The following CSMD2 variants were observed in gnomAD, a reference collection of about 807,000 sequenced individuals.
CSMD2 encodes the protein CUB and Sushi multiple domains 2.
Under a neutral mutation model 398.5 loss-of-function variants are expected in CSMD2, and 130 were observed. The observed-to-expected ratio is 0.33, with a 90% CI of 0.28 to 0.38. The LOEUF is 0.38. Ranked by LOEUF, CSMD2 falls within the 10% of genes least tolerant of loss-of-function variation. CSMD2 has a pLI of 1.00. For synonymous variants in CSMD2, 1,828 were observed against 1,908.5 expected (o/e 0.96, Z 1.10); for missense variants, 3,829 against 4,764.9 (o/e 0.80, Z 5.78).
chr1:34,157,491 A>G (rs888501489), intron 1 of CSMD2, among the ~76,000 whole-genome samples: 2 of 151,644 alleles, frequency 1.3e-5, no homozygotes, highest in African/African-American at 4.8e-5. Context: ...CCATTCTACC[A>G]CAATACATCT....
rs1642811800 is a variant in CSMD2 at position 33,636,496 on chromosome 1, C to T, written c.4833G>A (p.Gly1611=). ...CGGAGGAGCCCAGCTTCAGGTCGGACCCCACCCGTGTGCCGTTCTTGATGG... is the reference window on the plus strand; with the variant it reads ...CGGAGGAGCCCAGCTTCAGGTCGGATCCCACCCGTGTGCCGTTCTTGATGG... ...PGSIKNGTRV[G]SDLKLGSSVT... The change falls in exon 30 of 71, where the codon GGG becomes GGA. Residue 1611 remains glycine, a synonymous_variant. Transcript: ENST00000373381. The surrounding 1 kb of genome is among the most constrained non-coding windows in gnomAD (Gnocchi z 4.8). The T allele has an allele frequency of 1.9e-6, 3 of 1,614,156 alleles. No homozygotes were observed. The highest frequency in any genetic ancestry group is 1.6e-4 in the Middle Eastern group (1 of 6,062).
At chr1:33,792,639 G>A (rs1410766939) in intron 10 of CSMD2, 113 bp from the exon 11 acceptor site, 17 of 716,422 alleles carry the variant, frequency 2.4e-5, no homozygotes, top group Admixed American at 4.0e-5. Context: ...AGTCACTGGT[G>A]ACACCATCCT....
intron 1 of CSMD2, among the ~76,000 whole-genome samples, chr1:34,154,517 G>A (rs968772562): frequency 3.9e-5 from 6 of 152,140 alleles, no homozygotes; most frequent in Non-Finnish European, 7.4e-5. Flanking sequence ...GAACAGATAC[G>A]TAAAACGTGA....
intron 13 of CSMD2, among the ~76,000 whole-genome samples, chr1:33,757,994 T>C (rs1397410540): frequency 2.6e-5 from 4 of 152,246 alleles, no homozygotes; most frequent in East Asian, 1.9e-4. Flanking sequence ...ACAAATTCTT[T>C]TGCTGTTACA....
At chr1:34,047,389 CTT>C (rs898619342) in intron 2 of CSMD2, among the ~76,000 whole-genome samples, 5 of 152,156 alleles carry the variant, frequency 3.3e-5, no homozygotes, top group Admixed American at 2.6e-4. Context: ...TACACCGAGG[CTT>C]TGATAACTAT....
intron 9 of CSMD2, among the ~76,000 whole-genome samples, chr1:33,817,799 C>A (rs867015581): frequency 6.6e-6 from 1 of 152,176 alleles, no homozygotes; most frequent in Non-Finnish European, 1.5e-5. Flanking sequence ...AAGAAACTGG[C>A]CCAAGGGCCC....
At chr1:33,909,256 T>C (rs551817518) in intron 5 of CSMD2, among the ~76,000 whole-genome samples, 152 of 152,246 alleles carry the variant, frequency 1.0e-3, no homozygotes, top group Non-Finnish European at 1.5e-3. Context: ...GACATTGAGA[T>C]GATAAGCCTT....
At chr1:34,114,225 C>T (rs72884233) in intron 1 of CSMD2, among the ~76,000 whole-genome samples, 3,028 of 152,114 alleles carry the variant, frequency 0.02, 96 homozygotes, top group African/African-American at 0.069. Context: ...CAAGGAAAGC[C>T]CCCAGAACCT....
At chr1:33,567,230 A>T (rs1246610639) in intron 53 of CSMD2, among the ~76,000 whole-genome samples, 1 of 152,018 alleles carries the variant, frequency 6.6e-6, no homozygotes, top group African/African-American at 2.4e-5. Flanking sequence ...TCTATAGGAT[A>T]CAATTAAAGC....
intron 41 of CSMD2, among the ~76,000 whole-genome samples, chr1:33,608,659 G>T (rs972011958): frequency 6.6e-6 from 1 of 152,172 alleles, no homozygotes; most frequent in African/African-American, 2.4e-5. Flanking sequence ...CACATGAAGA[G>T]CACCATGTGA....
chr1:34,146,080 G>A (rs934477710), intron 1 of CSMD2, among the ~76,000 whole-genome samples: 5 of 152,106 alleles, frequency 3.3e-5, no homozygotes, highest in African/African-American at 1.2e-4. Flanking sequence ...TAGAGTCAGG[G>A]TCTCACTCTG....
rs774639276 is a variant in CSMD2, at chr1:33,700,665, A to G, written c.3585T>C (p.Asp1195=). Residue 1195 remains aspartate, a synonymous_variant, in exon 23 of 71, where the codon GAT becomes GAC. Transcript: ENST00000373381. ...LSEGDVLKVY[D]GNNNSARLLG... ...GCAAACGGGCGGAGTTGTTGTTGCC[A>G]TCATAAACCTGGACACAGGAGAGAC... 2.5e-6 allele frequency: 4 copies of G among 1,614,166 alleles called. No individual in the cohort carries two copies. Among genetic ancestry groups the G allele is most frequent in the Non-Finnish European group, 3.4e-6 (4 of 1,180,026 alleles).
chr1:33,558,036 G>T (rs758421707), intron 54 of CSMD2, 114 bp from the exon 55 acceptor site: 1 of 888,894 alleles, frequency 1.1e-6, no homozygotes, highest in Non-Finnish European at 1.7e-6. Flanking sequence ...TCCCAAGGTT[G>T]CTGGACTTCT....
intron 9 of CSMD2, among the ~76,000 whole-genome samples, chr1:33,818,745 A>C (rs1657760623): frequency 6.6e-6 from 1 of 152,056 alleles, no homozygotes. Context: ...TTATAGTGAC[A>C]CTCTTCTAGA....
intron 1 of CSMD2, among the ~76,000 whole-genome samples, chr1:34,116,705 C>T (rs941538068): frequency 6.6e-6 from 1 of 151,974 alleles, no homozygotes; most frequent in African/African-American, 2.4e-5. Flanking sequence ...TTCTCAAGTG[C>T]GTATGAAACA....
At chr1:34,135,790 T>G (rs1771389) in intron 1 of CSMD2, among the ~76,000 whole-genome samples, 109,114 of 151,936 alleles carry the variant, frequency 0.72, 40,454 homozygotes, top group Admixed American at 0.82. Context: ...GTATATGATA[T>G]ATCTACAATG....
intron 3 of CSMD2, among the ~76,000 whole-genome samples, chr1:34,024,066 C>A (rs904813157): frequency 3.9e-4 from 60 of 152,202 alleles, no homozygotes; most frequent in African/African-American, 1.4e-3. Flanking sequence ...GGTCTCACAG[C>A]CAGCCTGAGG....
intron 25 of CSMD2, among the ~76,000 whole-genome samples, chr1:33,672,351 C>A (rs986275965): frequency 5.3e-5 from 8 of 152,364 alleles, no homozygotes; most frequent in Non-Finnish European, 1.0e-4. Flanking sequence ...GGGTCCTACG[C>A]CCACGGAGCC....
At chr1:33,875,537 G>C (rs1188498833) in intron 5 of CSMD2, 1 of 152,276 alleles carries the variant, frequency 6.6e-6, no homozygotes, top group African/African-American at 2.4e-5. Flanking sequence ...TTGCTGACTG[G>C]TGGCAGTGAG....
Sources: gnomAD v4.1 joint callset for allele counts (sites outside exome capture counted in the v4.1 genomes callset) on GRCh38, gnomAD v4.1.1 for gene constraint, Gnocchi (gnomAD v3.1) non-coding constraint, MANE v1.5 for transcripts, NCBI Gene and HGNC (gene_info 2026-07-23, HGNC 2026-07-21) for gene names.